NEDD4L: variants seen among roughly 807,000 people sequenced by gnomAD.
NEDD4L encodes E3 ubiquitin-protein ligase NEDD4-like.
A neutral mutation model predicts 148.9 loss-of-function variants in NEDD4L; 54 were observed. That is an observed-to-expected ratio of 0.36 (90% CI 0.29 to 0.45). NEDD4L has a LOEUF of 0.45. NEDD4L is among the 20% of genes least tolerant of loss of function. The pLI is 1.00. For missense variants in NEDD4L, 856 were observed against 1,233.8 expected, an observed-to-expected ratio of 0.69 and a Z score of 4.59; for synonymous variants, 433 against 440.7, an observed-to-expected ratio of 0.98 and a Z score of 0.22.
At chr18:58,284,183 C>G (rs946938942) in intron 5 of NEDD4L, among the ~76,000 whole-genome samples, 1 of 152,172 alleles carries the variant, frequency 6.6e-6, no homozygotes, top group African/African-American at 2.4e-5. Context: ...GCAGTTTTAG[C>G]AAACTAATAT....
chr18:58,044,719 C>G lies in NEDD4L; in HGVS notation c.48+11C>G, dbSNP rs751788981. ...CTTTCCGAAGACGAGGTGAGTGGCA[C>G]CCCCTTCCTGCTCGGGACTCCCCGG... is the stretch of plus-strand genomic sequence containing the variant. On this transcript the variant is annotated intron_variant, in intron 1 of 30. Transcript: ENST00000400345. 16 of 1,604,340 alleles carry G rather than the reference C, an allele frequency of 1.0e-5. No homozygotes were observed. In the African/African-American group the frequency reaches 1.9e-4, roughly 19 times the overall value.
chr18:58,275,410 A>G (rs1283807952), intron 5 of NEDD4L, among the ~76,000 whole-genome samples: 6 of 152,180 alleles, frequency 3.9e-5, no homozygotes, highest in South Asian at 2.1e-4. Flanking sequence ...TCAAGGGTCA[A>G]CTGTACTTGA....
intron 1 of NEDD4L, among the ~76,000 whole-genome samples, chr18:58,106,015 C>T (rs750209453): frequency 2.6e-5 from 4 of 152,246 alleles, no homozygotes; most frequent in Non-Finnish European, 4.4e-5. Context: ...CATCAGCTAG[C>T]AGCTCCGGAA....
chr18:58,293,441 G>A (rs9955907), intron 5 of NEDD4L, among the ~76,000 whole-genome samples: 38,660 of 152,142 alleles, frequency 0.25, 5,787 homozygotes, highest in African/African-American at 0.41. Flanking sequence ...GACATCAGCT[G>A]TTGGATATGG....
chr18:58,194,366 C>T (rs764248577), intron 2 of NEDD4L, among the ~76,000 whole-genome samples: 1 of 152,172 alleles, frequency 6.6e-6, no homozygotes, highest in African/African-American at 2.4e-5. Flanking sequence ...ATGCCCTGGT[C>T]GTTCTTATCT....
chr18:58,150,272 T>C lies in NEDD4L; in HGVS notation c.49-15516T>C, dbSNP rs139680246. Among the ~76,000 whole-genome samples, 633 of 152,356 alleles carry C rather than the reference T, an allele frequency of 4.2e-3. 3 individuals carry two copies. Among genetic ancestry groups the C allele is most frequent in the African/African-American group, 0.014 (599 of 41,584 alleles). Reference sequence around the variant, plus strand: ...GTTTTGAGACGGAGTTTCACTCTTGTTGCCTAGGCTGGAGTGCAATGGCAT... The same window carrying C: ...GTTTTGAGACGGAGTTTCACTCTTGCTGCCTAGGCTGGAGTGCAATGGCAT... On this transcript the variant is annotated intron_variant, in intron 1 of 30. Transcript: ENST00000400345.
chr18:58,057,157 G>T (rs1318020262), intron 1 of NEDD4L, among the ~76,000 whole-genome samples: 1 of 151,848 alleles, frequency 6.6e-6, no homozygotes, highest in Non-Finnish European at 1.5e-5. Flanking sequence ...CCCTGGCTTC[G>T]TGAAATGCAC....
At chr18:58,051,369 C>T (rs1012990698) in intron 1 of NEDD4L, among the ~76,000 whole-genome samples, 7 of 152,190 alleles carry the variant, frequency 4.6e-5, no homozygotes, top group African/African-American at 1.7e-4. Context: ...GTATGAATTA[C>T]ATCTGAATAA....
intron 2 of NEDD4L, among the ~76,000 whole-genome samples, chr18:58,229,405 G>A (rs180726439): frequency 2.0e-5 from 3 of 152,286 alleles, no homozygotes; most frequent in African/African-American, 7.2e-5. Context: ...CAAAGTCCCT[G>A]TGCACTCTCA....
At chr18:58,146,349 G>T (rs1212060991) in intron 1 of NEDD4L, among the ~76,000 whole-genome samples, 2 of 152,150 alleles carry the variant, frequency 1.3e-5, no homozygotes, top group African/African-American at 2.4e-5. Flanking sequence ...GGGGCTCAGG[G>T]AGTCATTTGT....
At chr18:58,293,801 C>T (rs2055130970) in intron 5 of NEDD4L, among the ~76,000 whole-genome samples, 1 of 152,208 alleles carries the variant, frequency 6.6e-6, no homozygotes, top group Admixed American at 6.5e-5. Context: ...CAACTCACTG[C>T]AGCCTCTACC....
chr18:58,341,906 G>T, intron 15 of NEDD4L, 109 bp downstream of exon 15: 1 of 1,301,146 alleles, frequency 7.7e-7, no homozygotes. Flanking sequence ...TCTCTGATCA[G>T]TCGTTGTGTT....
rs559855216 is a variant in NEDD4L at position 58,184,700 on chromosome 18, A to G, written c.122+18839A>G. ...TCCCAGCACTTTGGGAGGCTGAGGT[A>G]GGCGGATCACGTGGTCAGGAGATCG... On this transcript the variant is annotated intron_variant, in intron 2 of 30. Coordinates refer to ENST00000400345, the MANE Select transcript of NEDD4L (RefSeq NM_001144967.3). Among the ~76,000 whole-genome samples, 63 of 152,230 alleles carry G rather than the reference A, an allele frequency of 4.1e-4. 2 individuals are homozygous for G. In the South Asian group the frequency reaches 0.011, roughly 26 times the overall value.
intron 1 of NEDD4L, among the ~76,000 whole-genome samples, chr18:58,090,095 C>T (rs1005748942): frequency 6.6e-6 from 1 of 152,146 alleles, no homozygotes; most frequent in African/African-American, 2.4e-5. Context: ...ACCTCGTCCT[C>T]CCAAAGTGCT....
chr18:58,191,861 C>T (rs1463930321), intron 2 of NEDD4L, among the ~76,000 whole-genome samples: 2 of 152,180 alleles, frequency 1.3e-5, no homozygotes, highest in African/African-American at 2.4e-5. Context: ...AACCCCATTG[C>T]TGACAAGGTA....
Position 58,354,011 on chromosome 18 carries a change from A to G in NEDD4L, c.1708+2966A>G, listed in dbSNP as rs73439467. Among the ~76,000 whole-genome samples, 685 of 152,352 alleles carry G rather than the reference A, an allele frequency of 4.5e-3. 7 individuals carry two copies. The highest frequency in any genetic ancestry group is 0.012 in the African/African-American group (503 of 41,568). Reference sequence around the variant, plus strand: ...TCCTGAGAAGTTAGACATTTTCAAGATGAACAATACTCAGCCATCATAAAG... The same window carrying G: ...TCCTGAGAAGTTAGACATTTTCAAGGTGAACAATACTCAGCCATCATAAAG... On this transcript the variant is annotated intron_variant, in intron 18 of 30. Coordinates refer to ENST00000400345, the MANE Select transcript of NEDD4L (RefSeq NM_001144967.3).
chr18:58,233,581 C>T (rs1024550575), intron 2 of NEDD4L, among the ~76,000 whole-genome samples: 4 of 152,192 alleles, frequency 2.6e-5, no homozygotes, highest in Non-Finnish European at 2.9e-5. Context: ...TTTAAGATGA[C>T]GTTGGGTGGG....
chr18:58,064,254 G>A (rs182567112), intron 1 of NEDD4L, among the ~76,000 whole-genome samples: 3 of 152,254 alleles, frequency 2.0e-5, no homozygotes, highest in East Asian at 1.9e-4. Flanking sequence ...GTGAGCCACC[G>A]CGCCTGACCC....
Position 58,150,521 on chromosome 18 carries a change from C to T in NEDD4L, c.49-15267C>T, listed in dbSNP as rs547683545. Among the ~76,000 whole-genome samples the T allele has an allele frequency of 2.6e-5, 4 of 152,318 alleles. No individual in the cohort carries two copies. The South Asian group carries it at 6.2e-4, about 24-fold the overall frequency. ...GATTACAGGCGTGAGCCACTGCACC[C>T]GGCCGTTTTTTGATAAATTTTAAAC... On this transcript the variant is annotated intron_variant, in intron 1 of 30. Transcript: ENST00000400345.
Sources: gnomAD v4.1 joint callset for allele counts (sites outside exome capture counted in the v4.1 genomes callset) on GRCh38, gnomAD v4.1.1 for gene constraint, MANE v1.5 for transcripts, NCBI Gene and HGNC (gene_info 2026-07-23, HGNC 2026-07-21) for gene names.